TRRAP: variants seen among roughly 807,000 people sequenced by gnomAD.
TRRAP encodes transformation/transcription domain associated protein.
In TRRAP, 41 loss-of-function variants were observed where a neutral mutation model predicts 438.8. The ratio of observed to expected loss-of-function variants is 0.09; its 90% CI spans 0.07 to 0.12. The LOEUF (loss-of-function observed/expected upper bound fraction) is 0.12, where lower values mean the gene tolerates loss of function less well. TRRAP is among the 10% of genes least tolerant of loss of function. TRRAP has a pLI of 1.00. For synonymous variants in TRRAP, 1,994 were observed against 1,962.9 expected (o/e 1.02, Z -0.42); for missense variants, 3,122 against 5,055.1 (o/e 0.62, Z 11.60).
chr7:98,951,865 G>T (rs782487316), intron 39 of TRRAP, among the ~76,000 whole-genome samples: 1 of 152,132 alleles, frequency 6.6e-6, no homozygotes, highest in Non-Finnish European at 1.5e-5. Flanking sequence ...CCTTATTCTG[G>T]GCAAGTGTAG....
At position 99,005,101 on chromosome 7, in the gene TRRAP, G is replaced by A. The variant is rs745307520; in HGVS notation, c.10536-30G>A. On this transcript the variant is annotated intron_variant, in intron 68 of 72. Transcript: ENST00000456197. This position sits in a 1 kb window ranked among gnomAD's most constrained non-coding sequence, Gnocchi z 5.1. ...CAAGGACTGGTAGCAGAGATGCAGGGCATGTCCTCATGGCTTCTCGCTCTG... is the reference window on the plus strand; with the variant it reads ...CAAGGACTGGTAGCAGAGATGCAGGACATGTCCTCATGGCTTCTCGCTCTG... 29 of 1,606,954 alleles carry A rather than the reference G, an allele frequency of 1.8e-5. No homozygotes were observed. Among genetic ancestry groups the A allele is most frequent in the Non-Finnish European group, 2.4e-5 (28 of 1,175,414 alleles).
chr7:99,007,642 G>A (rs1250887079), intron 69 of TRRAP, among the ~76,000 whole-genome samples: 2 of 147,666 alleles, frequency 1.4e-5, no homozygotes, highest in African/African-American at 5.0e-5. Flanking sequence ...AGCCACCATG[G>A]CCAGCCATGT....
At chr7:98,912,632 C>A (rs908147827) in intron 18 of TRRAP, among the ~76,000 whole-genome samples, 1 of 151,896 alleles carries the variant, frequency 6.6e-6, no homozygotes, top group Non-Finnish European at 1.5e-5. Flanking sequence ...CTTTTTTAAA[C>A]CTATTTTCTT....
intron 30 of TRRAP, among the ~76,000 whole-genome samples, chr7:98,942,426 C>A (rs2116571283): frequency 6.6e-6 from 1 of 152,350 alleles, no homozygotes; most frequent in South Asian, 2.1e-4. Flanking sequence ...CTTCTCTAGT[C>A]CCATCCTCAG....
chr7:98,970,709 C>T (rs73155657), intron 52 of TRRAP, among the ~76,000 whole-genome samples: 4,165 of 152,102 alleles, frequency 0.027, 81 homozygotes, highest in South Asian at 0.055. Context: ...TTCCCTGTGC[C>T]GTGATTTTTC....
In TRRAP at chr7:98,945,953, G is replaced by A; in HGVS notation, c.4548+3G>A. 1 of 1,466,474 alleles carries A rather than the reference G, an allele frequency of 6.8e-7. No individual in the cohort carries two copies. Among genetic ancestry groups the A allele is most frequent in the Non-Finnish European group, 9.0e-7 (1 of 1,109,148 alleles). The allele number at this position is 1,466,474 out of a possible 1,614,324, so 90.8% of individuals were successfully genotyped here. The stretch of plus-strand genomic sequence containing the variant: ...AGCCTGCCATGGAAGGGGTAGAGGT[G>A]AGAACTTGAGCGGAGCTACAGGAGG... On this transcript the variant is annotated splice_donor_region_variant and intron_variant, in intron 33 of 72. Transcript: ENST00000456197.
In TRRAP at chr7:98,956,324, G is replaced by C. The variant is rs374169844; in HGVS notation, c.6096+20G>C. 1 of 1,613,758 alleles carries C rather than the reference G, an allele frequency of 6.2e-7. No homozygotes were observed. The highest frequency in any genetic ancestry group is 8.5e-7 in the Non-Finnish European group (1 of 1,179,812). ...CAGCAGGTAGGGGTGTCAGCCTCAGGGGTGCCCCGATCGTCTTCCTTTGAC... is the reference window on the plus strand; with the variant it reads ...CAGCAGGTAGGGGTGTCAGCCTCAGCGGTGCCCCGATCGTCTTCCTTTGAC... On this transcript the variant is annotated intron_variant, in intron 42 of 72. Coordinates refer to ENST00000456197, the MANE Select transcript of TRRAP (RefSeq NM_001375524.1). The surrounding 1 kb of genome is among the most constrained non-coding windows in gnomAD (Gnocchi z 4.5).
At chr7:98,955,398 G>A (rs1451867013) in intron 41 of TRRAP, 94 bp downstream of exon 41, 10 of 1,330,322 alleles carry the variant, frequency 7.5e-6, no homozygotes, top group East Asian at 5.1e-5. Context: ...TCAGGTGGTC[G>A]TTCATCTTTT....
At chr7:98,901,177 T>C (rs1014815187) in intron 11 of TRRAP, among the ~76,000 whole-genome samples, 10 of 152,264 alleles carry the variant, frequency 6.6e-5, no homozygotes, top group Admixed American at 6.5e-4. Context: ...TTCTGGAGGC[T>C]GGAAGTCTGA....
At chr7:98,965,109 T>C (rs943788576) in intron 48 of TRRAP, among the ~76,000 whole-genome samples, 1 of 152,226 alleles carries the variant, frequency 6.6e-6, no homozygotes, top group Non-Finnish European at 1.5e-5. Context: ...CTGCAACAGA[T>C]TGAGACTCTC....
intron 65 of TRRAP, 102 bp downstream of exon 65, chr7:98,992,329 C>T (rs1207747439): frequency 8.1e-7 from 1 of 1,241,146 alleles, no homozygotes; most frequent in Non-Finnish European, 1.2e-6. Flanking sequence ...CCCTGCAGCT[C>T]ACTCATAGCC....
chr7:99,005,337 T>C lies in TRRAP; in HGVS notation c.10742T>C (p.Leu3581Ser), dbSNP rs1184009254. ...EKRKETTKRH[L>S]FFTVPRVVAV... ...AGAAAGGAGACCACCAAGAGGCACTTGTTTTTCACAGGTAGGGTTGAGAGC... is the reference window on the plus strand; with the variant it reads ...AGAAAGGAGACCACCAAGAGGCACTCGTTTTTCACAGGTAGGGTTGAGAGC... The change falls in exon 69 of 73, where the codon TTG becomes TCG. Residue 3581 changes from leucine (L) to serine (S), a missense_variant. Physicochemically the swap from Leu to Ser is moderately radical, Grantham distance 145. This residue lies in a region of TRRAP where 95 missense variants were observed against 144.1 expected (regional missense o/e 0.66). Coordinates refer to ENST00000456197, the MANE Select transcript of TRRAP (RefSeq NM_001375524.1). The surrounding 1 kb of genome is among the most constrained non-coding windows in gnomAD (Gnocchi z 5.1). 1 of 1,613,746 alleles carries C rather than the reference T, an allele frequency of 6.2e-7. No individual in the cohort carries two copies. The highest frequency in any genetic ancestry group is 1.1e-5 in the South Asian group (1 of 91,060).
intron 47 of TRRAP, among the ~76,000 whole-genome samples, chr7:98,963,971 C>T (rs1792042719): frequency 6.6e-6 from 1 of 151,410 alleles, no homozygotes; most frequent in Admixed American, 6.6e-5. Flanking sequence ...ATCCCACCTA[C>T]TCGGGAGGCT....
At chr7:98,910,464 A>C in intron 15 of TRRAP, 45 bp downstream of exon 15, 2 of 1,613,368 alleles carry the variant, frequency 1.2e-6, no homozygotes, top group Non-Finnish European at 1.7e-6. Context: ...AGTTTTCATA[A>C]AGTGAGTTTT....
chr7:98,951,537 C>T (rs1791338357), intron 39 of TRRAP, among the ~76,000 whole-genome samples: 1 of 152,158 alleles, frequency 6.6e-6, no homozygotes, highest in Admixed American at 6.5e-5. Flanking sequence ...GAATTAAATG[C>T]CTGCATCATG....
chr7:99,003,634 A>G (rs1278148248), intron 67 of TRRAP, among the ~76,000 whole-genome samples: 3 of 152,104 alleles, frequency 2.0e-5, no homozygotes, highest in African/African-American at 7.2e-5. Flanking sequence ...GGGGTTGGGG[A>G]TGGGGTTTCA....
chr7:98,970,401 C>T, intron 52 of TRRAP, 110 bp downstream of exon 52: 2 of 1,374,002 alleles, frequency 1.5e-6, no homozygotes, highest in South Asian at 2.8e-5. Flanking sequence ...GGGCAGAATC[C>T]CAGAGAGGAG....
At chr7:99,010,137 C>T (rs1378795107) in intron 70 of TRRAP, among the ~76,000 whole-genome samples, 1 of 152,162 alleles carries the variant, frequency 6.6e-6, no homozygotes, top group African/African-American at 2.4e-5. Context: ...CCACCCACCT[C>T]GGCCTCCCAA....
chr7:98,901,214 G>A (rs1451866846), intron 11 of TRRAP, among the ~76,000 whole-genome samples: 1 of 152,240 alleles, frequency 6.6e-6, no homozygotes, highest in African/African-American at 2.4e-5. Flanking sequence ...TCTGGTGAGG[G>A]CTTTCTTCCT....
Sources: allele counts gnomAD v4.1 joint callset (sites outside exome capture counted in the v4.1 genomes callset), GRCh38; gene constraint gnomAD v4.1.1; regional missense constraint gnomAD v4.1.1; non-coding constraint Gnocchi (gnomAD v3.1); transcripts MANE v1.5; gene names NCBI Gene and HGNC (gene_info 2026-07-23, HGNC 2026-07-21).